Variants in OPCML observed in about 807,000 individuals in gnomAD.
OPCML encodes the protein opioid binding protein/cell adhesion molecule like, also known as opioid-binding protein/cell adhesion molecule.
In OPCML, 13 loss-of-function variants were observed where a neutral mutation model predicts 37.8. That is an observed-to-expected ratio of 0.34 (90% CI 0.22 to 0.55). OPCML has a LOEUF of 0.55. OPCML is among the 20% of genes least tolerant of loss of function. The pLI, the probability that OPCML is intolerant of heterozygous loss-of-function variation, is 0.91. For synonymous variants in OPCML, 176 were observed against 168.8 expected (o/e 1.04, Z -0.33); for missense variants, 341 against 435.6 (o/e 0.78, Z 1.93).
rs552050693 is a variant in OPCML, at chr11:132,670,174, A to G, written c.147-12855T>C. Among the ~76,000 whole-genome samples, 38 of 152,316 alleles carry G rather than the reference A, an allele frequency of 2.5e-4. No individual in the cohort carries two copies. In the South Asian group the frequency reaches 4.1e-3, roughly 17 times the overall value. On this transcript the variant is annotated intron_variant, in intron 2 of 7. Coordinates refer to ENST00000524381, the MANE Select transcript of OPCML (RefSeq NM_001012393.5). Reference sequence around the variant, plus strand: ...TACTCACGACCATGTCTGTCTCAGTATCATCCATGGAAAAGTATAAATTAA... The same window carrying G: ...TACTCACGACCATGTCTGTCTCAGTGTCATCCATGGAAAAGTATAAATTAA...
intron 1 of OPCML, among the ~76,000 whole-genome samples, chr11:133,414,754 C>T (rs975755198): frequency 1.3e-5 from 2 of 152,124 alleles, no homozygotes; most frequent in South Asian, 2.1e-4. Flanking sequence ...AGCACAGTGA[C>T]GCGAACAGAC....
At chr11:132,787,322 G>A (rs1426336281) in intron 2 of OPCML, among the ~76,000 whole-genome samples, 2 of 152,060 alleles carry the variant, frequency 1.3e-5, no homozygotes, top group Non-Finnish European at 1.5e-5. Flanking sequence ...TCCTTTATCC[G>A]AAACAAAAAT....
At chr11:132,512,976 G>A (rs766232844) in intron 4 of OPCML, among the ~76,000 whole-genome samples, 10 of 151,814 alleles carry the variant, frequency 6.6e-5, no homozygotes, top group East Asian at 1.9e-4. Flanking sequence ...AATTATGACC[G>A]CAAGATTTTT....
intron 3 of OPCML, among the ~76,000 whole-genome samples, chr11:132,571,169 C>A (rs2096437514): frequency 6.6e-6 from 1 of 152,010 alleles, no homozygotes; most frequent in Admixed American, 6.6e-5. Context: ...ACTTCAGGTT[C>A]TTTGGCCTTT....
intron 1 of OPCML, chr11:133,418,024 A>C (rs1049472380): frequency 1.6e-5 from 16 of 971,744 alleles, no homozygotes; most frequent in Non-Finnish European, 8.6e-6. Flanking sequence ...GATGGAGAAG[A>C]ATGGGGAGAA....
rs570973836 is a variant in OPCML at position 133,420,961 on chromosome 11, A to G, written c.61+111303T>C. On this transcript the variant is annotated intron_variant, in intron 1 of 7. Transcript: ENST00000524381. ...GGTCTTGAAAATGAGATTTTTAGTC[A>G]GGTGGGTGCATGGCTGGGAAAAAAA... 4 of 985,232 alleles carry G rather than the reference A, an allele frequency of 4.1e-6. No homozygotes were observed. In the South Asian group the frequency reaches 1.4e-4, roughly 35 times the overall value. 61.0% of individuals were successfully genotyped at this position (985,232 alleles called of 1,614,324 possible).
intron 1 of OPCML, among the ~76,000 whole-genome samples, chr11:133,265,017 C>T (rs538417936): frequency 1.3e-5 from 2 of 152,172 alleles, no homozygotes; most frequent in South Asian, 4.2e-4. Flanking sequence ...CGAGAGGCCT[C>T]GGGTCCTTGA....
intron 1 of OPCML, among the ~76,000 whole-genome samples, chr11:133,171,829 A>C (rs1009216209): frequency 3.9e-5 from 6 of 152,230 alleles, no homozygotes; most frequent in Admixed American, 2.0e-4. Flanking sequence ...CCAGGGTACA[A>C]GAACCTCCTT....
intron 2 of OPCML, among the ~76,000 whole-genome samples, chr11:132,920,545 C>T (rs998581068): frequency 6.6e-6 from 1 of 152,166 alleles, no homozygotes; most frequent in Admixed American, 6.5e-5. Context: ...TCTCTCTGGG[C>T]CCAGCCCACT....
At chr11:133,292,008 C>T (rs1025433688) in intron 1 of OPCML, among the ~76,000 whole-genome samples, 9 of 152,104 alleles carry the variant, frequency 5.9e-5, no homozygotes, top group African/African-American at 2.2e-4. Flanking sequence ...TTTATTAGGC[C>T]CGTCCTGGAG....
At chr11:133,390,268 G>T (rs941476780) in intron 1 of OPCML, among the ~76,000 whole-genome samples, 1 of 152,054 alleles carries the variant, frequency 6.6e-6, no homozygotes. Context: ...GACCATCCTG[G>T]CTAATACGCT....
At chr11:132,552,949 A>C (rs2137441546) in intron 3 of OPCML, among the ~76,000 whole-genome samples, 1 of 151,918 alleles carries the variant, frequency 6.6e-6, no homozygotes, top group African/African-American at 2.4e-5. Context: ...TATTTTTAGT[A>C]GATACGGTGT....
At chr11:132,725,100 G>T (rs561871001) in intron 2 of OPCML, among the ~76,000 whole-genome samples, 1 of 152,322 alleles carries the variant, frequency 6.6e-6, no homozygotes, top group South Asian at 2.1e-4. Flanking sequence ...CCCCAGTAGG[G>T]ACTCTGTGTG....
chr11:132,846,143 G>A (rs753704554), intron 2 of OPCML, among the ~76,000 whole-genome samples: 7 of 152,274 alleles, frequency 4.6e-5, no homozygotes, highest in Non-Finnish European at 8.8e-5. Flanking sequence ...TATAGCTGCC[G>A]TTGATCAGGT....
intron 1 of OPCML, among the ~76,000 whole-genome samples, chr11:133,185,565 A>G (rs1938033588): frequency 6.6e-6 from 1 of 152,224 alleles, no homozygotes; most frequent in Admixed American, 6.5e-5. Flanking sequence ...CATAGGGAAT[A>G]ATCTGGAAGG....
intron 1 of OPCML, among the ~76,000 whole-genome samples, chr11:133,379,210 C>A (rs1451034539): frequency 6.6e-6 from 1 of 152,156 alleles, no homozygotes; most frequent in Non-Finnish European, 1.5e-5. Context: ...TTGAAGGAAC[C>A]CATGTGCCTT....
chr11:132,429,947 G>A (rs2095990781), intron 7 of OPCML, among the ~76,000 whole-genome samples: 1 of 152,090 alleles, frequency 6.6e-6, no homozygotes, highest in Non-Finnish European at 1.5e-5. Flanking sequence ...AGCAGACTGA[G>A]GAAGGTAAGG....
chr11:132,985,482 T>A lies in OPCML; in HGVS notation c.62-42472A>T, dbSNP rs116157321. The stretch of plus-strand genomic sequence containing the variant: ...CCATTGGCATATCACAACCTGGTCA[T>A]TTGCTTCTGCAAGGCCAGCAAAAGA... On this transcript the variant is annotated intron_variant, in intron 1 of 7. Transcript: ENST00000524381. Among the ~76,000 whole-genome samples, 601 of 152,320 alleles carry A rather than the reference T, an allele frequency of 3.9e-3. 4 individuals carry two copies. The highest frequency in any genetic ancestry group is 0.014 in the African/African-American group (562 of 41,562).
At chr11:132,867,622 G>A (rs1372175309) in intron 2 of OPCML, among the ~76,000 whole-genome samples, 2 of 152,092 alleles carry the variant, frequency 1.3e-5, no homozygotes, top group African/African-American at 2.4e-5. Context: ...TTCTAGACTG[G>A]GCTTTCAAGA....
Sources: gnomAD v4.1 joint callset for allele counts (sites outside exome capture counted in the v4.1 genomes callset) on GRCh38, gnomAD v4.1.1 for gene constraint, MANE v1.5 for transcripts, NCBI Gene and HGNC (gene_info 2026-07-23, HGNC 2026-07-21) for gene names.